Variants in SYNPR observed in about 807,000 individuals in gnomAD.
The protein encoded by SYNPR is synaptoporin.
In SYNPR, 23 loss-of-function variants were observed where a neutral mutation model predicts 32.9. The observed-to-expected ratio is 0.70, with a 90% CI of 0.50 to 0.99. The LOEUF is 0.99. SYNPR is among the 50% of genes least tolerant of loss of function. SYNPR has a pLI of 0.00. For synonymous variants in SYNPR, 146 were observed against 135.9 expected, an observed-to-expected ratio of 1.07 and a Z score of -0.52; for missense variants, 318 against 349.3, an observed-to-expected ratio of 0.91 and a Z score of 0.71.
intron 2 of SYNPR, among the ~76,000 whole-genome samples, chr3:63,427,105 T>G (rs1001769881): frequency 1.3e-5 from 2 of 151,492 alleles, no homozygotes; most frequent in Non-Finnish European, 2.9e-5. Context: ...AGCTACTTGT[T>G]TGAAAGGATG....
chr3:63,363,717 G>C (rs1232464524), intron 2 of SYNPR, among the ~76,000 whole-genome samples: 1 of 152,052 alleles, frequency 6.6e-6, no homozygotes, highest in African/African-American at 2.4e-5. Context: ...TAATTTATTT[G>C]GTTATTCATT....
intron 2 of SYNPR, among the ~76,000 whole-genome samples, chr3:63,465,558 T>C (rs958792294): frequency 6.6e-6 from 1 of 152,152 alleles, no homozygotes; most frequent in Non-Finnish European, 1.5e-5. Flanking sequence ...ATTTCAAACA[T>C]ATATAAAGAA....
Position 63,472,025 on chromosome 3 carries a change from C to T in SYNPR, c.85-8807C>T, listed in dbSNP as rs149407084. ...CTCCCCACGGCAGCCTGCGATGCTG[C>T]GGAGTGGAGGCTTGGGTGTTGCTGA... On this transcript the variant is annotated intron_variant, in intron 2 of 5. Coordinates refer to ENST00000478300, the MANE Select transcript of SYNPR (RefSeq NM_001130003.2). Among the ~76,000 whole-genome samples the T allele has an allele frequency of 6.1e-3, 935 of 152,298 alleles. 12 individuals carry two copies. The highest frequency in any genetic ancestry group is 0.02 in the African/African-American group (838 of 41,560).
At chr3:63,520,729 G>A (rs1257673157) in intron 3 of SYNPR, among the ~76,000 whole-genome samples, 1 of 151,836 alleles carries the variant, frequency 6.6e-6, no homozygotes, top group East Asian at 1.9e-4. Context: ...TTAACAGGCA[G>A]AAAGGGAGTA....
At chr3:63,516,995 G>T (rs1359451446) in intron 3 of SYNPR, among the ~76,000 whole-genome samples, 2 of 151,990 alleles carry the variant, frequency 1.3e-5, no homozygotes, top group African/African-American at 2.4e-5. Context: ...TTATAAAAAC[G>T]ATACCTACTT....
upstream of SYNPR, among the ~76,000 whole-genome samples, chr3:63,274,362 ATGCT>A (rs2086558641): frequency 1.3e-5 from 2 of 151,920 alleles, no homozygotes; most frequent in African/African-American, 4.8e-5. Context: ...GAGATTCAAA[ATGCT>A]TGGTTTTGTT....
chr3:63,417,747 C>T (rs895415269), intron 2 of SYNPR, among the ~76,000 whole-genome samples: 9 of 152,220 alleles, frequency 5.9e-5, no homozygotes, highest in African/African-American at 1.9e-4. Context: ...CCCTCTGAAG[C>T]CACAGCCTGA....
chr3:63,235,626 T>C (rs2086195851), intron 1 of SYNPR, among the ~76,000 whole-genome samples: 1 of 152,188 alleles, frequency 6.6e-6, no homozygotes, highest in Non-Finnish European at 1.5e-5. Flanking sequence ...ATTGAGATGA[T>C]TTAAACAAAA....
At chr3:63,393,454 CCTTCCTTT>C (rs1341817521) in intron 2 of SYNPR, among the ~76,000 whole-genome samples, 1 of 148,338 alleles carries the variant, frequency 6.7e-6, no homozygotes, top group African/African-American at 2.5e-5. Flanking sequence ...TCCCTTCCTT[CCTTCCTTT>C]CTTCCTTTCC....
chr3:63,496,014 G>A (rs997026178), intron 3 of SYNPR, among the ~76,000 whole-genome samples: 3 of 152,160 alleles, frequency 2.0e-5, no homozygotes, highest in African/African-American at 7.2e-5. Context: ...CCTTTGTGCA[G>A]AATGTCAATA....
At chr3:63,517,698 C>T (rs549174910) in intron 3 of SYNPR, among the ~76,000 whole-genome samples, 2 of 152,168 alleles carry the variant, frequency 1.3e-5, no homozygotes, top group African/African-American at 2.4e-5. Context: ...TTAGGGAAAC[C>T]CATCTATTCT....
intron 3 of SYNPR, among the ~76,000 whole-genome samples, chr3:63,482,298 C>A (rs1359127785): frequency 3.3e-5 from 5 of 152,078 alleles, no homozygotes; most frequent in Non-Finnish European, 5.9e-5. Context: ...CTATAGCAGC[C>A]CCCTCATTTA....
the SYNPR span, among the ~76,000 whole-genome samples, chr3:63,209,526 T>C: frequency 6.6e-6 from 1 of 152,192 alleles, no homozygotes; most frequent in Non-Finnish European, 1.5e-5. Context: ...TTCAAAAACC[T>C]ATAGGTCTGT....
chr3:63,210,413 A>G, the SYNPR span, among the ~76,000 whole-genome samples: 1 of 152,232 alleles, frequency 6.6e-6, no homozygotes, highest in Non-Finnish European at 1.5e-5. Context: ...TAGATTGTGG[A>G]CAAAAGTGAT....
intron 4 of SYNPR, among the ~76,000 whole-genome samples, chr3:63,587,041 C>T (rs1309145419): frequency 6.6e-6 from 1 of 151,934 alleles, no homozygotes; most frequent in Admixed American, 6.6e-5. Context: ...AGTAACTTAA[C>T]ACTTTAGGTT....
chr3:63,344,102 T>C (rs887330296), intron 2 of SYNPR, among the ~76,000 whole-genome samples: 2 of 152,248 alleles, frequency 1.3e-5, no homozygotes, highest in African/African-American at 4.8e-5. Flanking sequence ...TCTTTCACAT[T>C]GTCTAGCTCA....
chr3:63,526,402 T>C (rs1047666112), intron 3 of SYNPR, among the ~76,000 whole-genome samples: 4 of 152,212 alleles, frequency 2.6e-5, no homozygotes, highest in Non-Finnish European at 5.9e-5. Context: ...TCTTACAGCA[T>C]AAGACCAAAG....
intron 2 of SYNPR, among the ~76,000 whole-genome samples, chr3:63,421,298 C>T (rs1197673802): frequency 6.6e-6 from 1 of 151,662 alleles, no homozygotes; most frequent in Non-Finnish European, 1.5e-5. Flanking sequence ...TAAAAACATA[C>T]ATCCACACAA....
intron 3 of SYNPR, among the ~76,000 whole-genome samples, chr3:63,268,639 GTCT>G (rs1220568656): frequency 8.5e-5 from 13 of 152,266 alleles, no homozygotes; most frequent in African/African-American, 2.9e-4. Flanking sequence ...TTTCATCCTT[GTCT>G]TCTTCATGTT....
Sources: gnomAD v4.1 joint callset for allele counts (sites outside exome capture counted in the v4.1 genomes callset) on GRCh38, gnomAD v4.1.1 for gene constraint, MANE v1.5 for transcripts, NCBI Gene and HGNC (gene_info 2026-07-23, HGNC 2026-07-21) for gene names.